The following ARB2A variants were observed in gnomAD, a reference collection of about 807,000 sequenced individuals.
ARB2A encodes the protein ARB2 cotranscriptional regulator A.
At chr5:93,921,772 GT>G in the ARB2A span, among the ~76,000 whole-genome samples, 5 of 152,144 alleles carry the variant, frequency 3.3e-5, no homozygotes, top group South Asian at 2.1e-4. Flanking sequence ...CCAGCCGCCT[GT>G]TTTTTGGTTG....
At chr5:93,707,829 C>A in the ARB2A span, among the ~76,000 whole-genome samples, 1 of 152,254 alleles carries the variant, frequency 6.6e-6, no homozygotes, top group Admixed American at 6.5e-5. Flanking sequence ...CCCGCCTTGG[C>A]CTCCCAAAGT....
At chr5:93,801,960 G>A in the ARB2A span, among the ~76,000 whole-genome samples, 6 of 152,006 alleles carry the variant, frequency 3.9e-5, no homozygotes, top group African/African-American at 1.4e-4. Context: ...TGTTTTTATT[G>A]TTATTAGGAA....
chr5:93,734,097 T>C, the ARB2A span: 1 of 152,158 alleles, frequency 6.6e-6, no homozygotes, highest in African/African-American at 2.4e-5. Flanking sequence ...AGGGCAGGTA[T>C]CCAAACACCT....
the ARB2A span, among the ~76,000 whole-genome samples, chr5:93,775,883 T>C: frequency 6.6e-6 from 1 of 152,210 alleles, no homozygotes; most frequent in Non-Finnish European, 1.5e-5. Flanking sequence ...GGTATTCATA[T>C]ATGTATGTCT....
the ARB2A span, among the ~76,000 whole-genome samples, chr5:93,797,129 T>G: frequency 6.6e-6 from 1 of 152,124 alleles, no homozygotes; most frequent in South Asian, 2.1e-4. Context: ...GCACTTCAGA[T>G]CACTAACAGG....
At chr5:93,956,060 T>C in the ARB2A span, among the ~76,000 whole-genome samples, 1 of 152,250 alleles carries the variant, frequency 6.6e-6, no homozygotes, top group Non-Finnish European at 1.5e-5. Context: ...CATTATGCAA[T>C]GAAGATTGTC....
chr5:93,887,339 G>C, the ARB2A span, among the ~76,000 whole-genome samples: 7 of 150,598 alleles, frequency 4.6e-5, no homozygotes, highest in East Asian at 3.9e-4. Context: ...ATAGAGAATA[G>C]AAGAGAAAAG....
chr5:93,634,527 T>C, the ARB2A span, among the ~76,000 whole-genome samples: 2 of 152,170 alleles, frequency 1.3e-5, no homozygotes, highest in African/African-American at 4.8e-5. Context: ...CCATAGTCCA[T>C]AGCGACTAAT....
At chr5:93,820,177 T>A in the ARB2A span, among the ~76,000 whole-genome samples, 1 of 152,202 alleles carries the variant, frequency 6.6e-6, no homozygotes, top group African/African-American at 2.4e-5. Flanking sequence ...TAAAAACATA[T>A]GAACACTGTT....
At chr5:93,786,164 T>TA in the ARB2A span, among the ~76,000 whole-genome samples, 2 of 152,350 alleles carry the variant, frequency 1.3e-5, no homozygotes, top group East Asian at 3.9e-4. Flanking sequence ...TGGTTGTTGT[T>TA]AACATATGCA....
chr5:93,644,137 T>C, the ARB2A span, among the ~76,000 whole-genome samples: 20 of 152,306 alleles, frequency 1.3e-4, no homozygotes, highest in East Asian at 3.9e-3. Context: ...GTGCCACACA[T>C]AAGAGGCTCC....
the ARB2A span, among the ~76,000 whole-genome samples, chr5:93,900,809 T>C: frequency 2.0e-5 from 3 of 151,940 alleles, no homozygotes; most frequent in Non-Finnish European, 4.4e-5. Context: ...AATTGAGCAA[T>C]AGTATATAAA....
At chr5:93,882,765 G>A in the ARB2A span, among the ~76,000 whole-genome samples, 14 of 151,058 alleles carry the variant, frequency 9.3e-5, no homozygotes, top group African/African-American at 3.2e-4. Context: ...TTTAAAAGAT[G>A]TATGATATTA....
At chr5:93,819,406 T>C in the ARB2A span, among the ~76,000 whole-genome samples, 2 of 152,166 alleles carry the variant, frequency 1.3e-5, no homozygotes, top group Non-Finnish European at 2.9e-5. Context: ...TATCTTGAAG[T>C]TATATTACAA....
the ARB2A span, among the ~76,000 whole-genome samples, chr5:93,938,479 T>A: frequency 6.6e-6 from 1 of 152,230 alleles, no homozygotes; most frequent in South Asian, 2.1e-4. Context: ...AGCTTTAAAC[T>A]TAATATATTG....
At chr5:93,838,912 C>G in the ARB2A span, among the ~76,000 whole-genome samples, 9 of 152,100 alleles carry the variant, frequency 5.9e-5, no homozygotes, top group Admixed American at 5.9e-4. Flanking sequence ...TGAAACTTTG[C>G]AGAAATTGTT....
chr5:93,620,777 C>T, the ARB2A span: 1 of 526,352 alleles, frequency 1.9e-6, no homozygotes, highest in Non-Finnish European at 3.0e-6. Context: ...GCGCTCAGCC[C>T]GCAGGAAGCA....
the ARB2A span, among the ~76,000 whole-genome samples, chr5:93,986,463 G>T: frequency 3.4e-5 from 5 of 147,156 alleles, no homozygotes; most frequent in South Asian, 1.1e-3. Context: ...CTGCCCGGCC[G>T]CCACGTCTGG....
At chr5:93,620,977 C>T in the ARB2A span, 5 of 1,600,856 alleles carry the variant, frequency 3.1e-6, no homozygotes, top group Non-Finnish European at 4.3e-6. Context: ...CCCCGTCGCG[C>T]TCGCTCCTCT....
Sources: allele counts gnomAD v4.1 joint callset (sites outside exome capture counted in the v4.1 genomes callset), GRCh38; gene constraint gnomAD v4.1.1; transcripts MANE v1.5; gene names NCBI Gene and HGNC (gene_info 2026-07-23, HGNC 2026-07-21).